SGCD: variants seen among roughly 807,000 people sequenced by gnomAD.
SGCD encodes delta-sarcoglycan.
Under a neutral mutation model 36.6 loss-of-function variants are expected in SGCD, and 18 were observed. That is an observed-to-expected ratio of 0.49 (90% CI 0.34 to 0.73). The LOEUF (loss-of-function observed/expected upper bound fraction) is 0.73, where lower values mean the gene tolerates loss of function less well. Ranked by LOEUF, SGCD falls within the 30% of genes least tolerant of loss-of-function variation. The pLI is 0.01. For missense variants in SGCD, 387 were observed against 346.7 expected, an observed-to-expected ratio of 1.12 and a Z score of -0.92; for synonymous variants, 133 against 130.6, an observed-to-expected ratio of 1.02 and a Z score of -0.12.
At chr5:156,114,027 A>G (rs1044017926) in intron 1 of SGCD, among the ~76,000 whole-genome samples, 1 of 152,094 alleles carries the variant, frequency 6.6e-6, no homozygotes, top group Non-Finnish European at 1.5e-5. Flanking sequence ...GGAGCCAGGG[A>G]ATTTTTAGGG....
At chr5:155,780,049 A>T in the SGCD span, among the ~76,000 whole-genome samples, 1 of 152,164 alleles carries the variant, frequency 6.6e-6, no homozygotes, top group Non-Finnish European at 1.5e-5. Context: ...GACTTGCAGG[A>T]ATTAAGACAC....
chr5:155,882,429 T>C (rs1431981292), intron 1 of SGCD, among the ~76,000 whole-genome samples: 2 of 152,194 alleles, frequency 1.3e-5, no homozygotes, highest in Non-Finnish European at 2.9e-5. Flanking sequence ...CAGAAGGTTT[T>C]TAATTTACTT....
intron 7 of SGCD, among the ~76,000 whole-genome samples, chr5:156,671,636 A>G (rs1187928247): frequency 6.6e-6 from 1 of 152,064 alleles, no homozygotes; most frequent in East Asian, 1.9e-4. Context: ...CATAGATGGG[A>G]CTTATTGGGT....
intron 1 of SGCD, among the ~76,000 whole-genome samples, chr5:155,933,151 T>C (rs1284363517): frequency 1.3e-5 from 2 of 152,184 alleles, no homozygotes; most frequent in Non-Finnish European, 2.9e-5. Context: ...TTATCCCTCT[T>C]ATCCTCTCTT....
At chr5:156,741,640 C>G (rs748320849) in intron 7 of SGCD, among the ~76,000 whole-genome samples, 3 of 152,204 alleles carry the variant, frequency 2.0e-5, no homozygotes, top group Non-Finnish European at 4.4e-5. Flanking sequence ...AGCTGTGAAA[C>G]CATCTCAGAG....
intron 7 of SGCD, among the ~76,000 whole-genome samples, chr5:156,652,770 T>G (rs1436495493): frequency 6.6e-6 from 1 of 152,158 alleles, no homozygotes; most frequent in South Asian, 2.1e-4. Context: ...TGATGCCTAG[T>G]TTTTTGGGTT....
chr5:156,742,892 A>G (rs1343844038), intron 7 of SGCD, among the ~76,000 whole-genome samples: 1 of 152,172 alleles, frequency 6.6e-6, no homozygotes, highest in East Asian at 1.9e-4. Flanking sequence ...ATTAAGGAGG[A>G]ACCTGTTTTA....
chr5:156,295,093 C>A (rs1210334975), intron 3 of SGCD, among the ~76,000 whole-genome samples: 1 of 152,064 alleles, frequency 6.6e-6, no homozygotes, highest in Non-Finnish European at 1.5e-5. Context: ...CCCAATGAAG[C>A]CATCAGGTTC....
intron 3 of SGCD, among the ~76,000 whole-genome samples, chr5:156,404,750 TTTTAAAATATATCC>T (rs1474079126): frequency 6.6e-6 from 1 of 152,232 alleles, no homozygotes; most frequent in Non-Finnish European, 1.5e-5. Flanking sequence ...ATTTCAAGAA[TTTTAAAATATATCC>T]TTTAAAATAT....
chr5:156,381,912 A>G (rs1771000764), intron 3 of SGCD, among the ~76,000 whole-genome samples: 2 of 152,210 alleles, frequency 1.3e-5, no homozygotes, highest in South Asian at 4.1e-4. Context: ...TATTCCTCCT[A>G]TGGGTGTTAG....
chr5:156,078,547 A>G (rs1045139513), intron 1 of SGCD, among the ~76,000 whole-genome samples: 1 of 136,340 alleles, frequency 7.3e-6, no homozygotes, highest in Admixed American at 7.7e-5. Context: ...ATTTATTTAT[A>G]TATATATTTA....
intron 3 of SGCD, among the ~76,000 whole-genome samples, chr5:156,456,290 AAG>A (rs1754256712): frequency 6.6e-6 from 1 of 152,172 alleles, no homozygotes; most frequent in African/African-American, 2.4e-5. Context: ...AGGGCTCAGA[AAG>A]AGAGGAGAGC....
At position 156,269,469 on chromosome 5, in the gene SGCD, CAAAAAAAAAAAAAAAAAAAAAAAA is replaced by C. The variant is rs60893052; in HGVS notation, c.-43-60047_-43-60024del. 7.2e-4 allele frequency among the ~76,000 whole-genome samples: 22 copies of C among 30,474 alleles called. No individual in the cohort carries two copies. The South Asian group carries it at 0.025, about 34-fold the overall frequency. 20.0% of individuals were successfully genotyped at this position (30,474 alleles called of 152,430 possible). On this transcript the variant is annotated intron_variant, in intron 3 of 9. Transcript: ENST00000517913. Reference sequence around the variant, plus strand: ...TAGGGGACAGAGTGAGACTCCGTCTCAAAAAAAAAAAAAAAAAAAAAAAAAAAAAAAAAAAAAAAAACCATCAGA... The same window carrying C: ...TAGGGGACAGAGTGAGACTCCGTCTCAAAAAAAAAAAAAAAAACCATCAGA...
intron 4 of SGCD, among the ~76,000 whole-genome samples, chr5:156,578,895 T>A (rs1267959479): frequency 1.3e-5 from 2 of 148,528 alleles, no homozygotes. Context: ...TTTTGAAGGG[T>A]TTTTTGTGTC....
chr5:155,794,630 T>C, the SGCD span, among the ~76,000 whole-genome samples: 2 of 152,102 alleles, frequency 1.3e-5, no homozygotes, highest in Admixed American at 6.5e-5. Flanking sequence ...CCTATCCACC[T>C]GCAGCACAGA....
intron 1 of SGCD, among the ~76,000 whole-genome samples, chr5:155,894,263 A>T (rs544962548): frequency 6.6e-6 from 1 of 152,206 alleles, no homozygotes; most frequent in Non-Finnish European, 1.5e-5. Context: ...GTAATGCATC[A>T]TGCTATAGCC....
At chr5:156,056,654 A>AAAAAAAAAAAAAAAAAAC (rs1209421786) in intron 1 of SGCD, among the ~76,000 whole-genome samples, 1 of 137,832 alleles carries the variant, frequency 7.3e-6, no homozygotes, top group African/African-American at 2.8e-5. Flanking sequence ...TTAAAAAAAA[A>AAAAAAAAAAAAAAAAAAC]AAAAAAAAAA....
the SGCD span, among the ~76,000 whole-genome samples, chr5:155,774,163 C>T: frequency 2.6e-5 from 4 of 152,216 alleles, no homozygotes; most frequent in East Asian, 7.7e-4. Flanking sequence ...TAACTTGGCT[C>T]AAAATCTTGG....
intron 3 of SGCD, among the ~76,000 whole-genome samples, chr5:156,384,841 G>A (rs558742238): frequency 7.0e-4 from 107 of 152,314 alleles, no homozygotes; most frequent in African/African-American, 2.4e-3. Context: ...CAGGCCTTGG[G>A]TGTCTTAAAG....
Sources: gnomAD v4.1 joint callset for allele counts (sites outside exome capture counted in the v4.1 genomes callset) on GRCh38, gnomAD v4.1.1 for gene constraint, MANE v1.5 for transcripts, NCBI Gene and HGNC (gene_info 2026-07-23, HGNC 2026-07-21) for gene names.